CCSER1: variants seen among roughly 807,000 people sequenced by gnomAD.
CCSER1 encodes serine-rich coiled-coil domain-containing protein 1.
In CCSER1, 41 loss-of-function variants were observed where a neutral mutation model predicts 82.0. The observed-to-expected ratio is 0.50, with a 90% confidence interval of 0.39 to 0.65. The LOEUF (loss-of-function observed/expected upper bound fraction) is 0.65. CCSER1 is among the 30% of genes least tolerant of loss of function. The probability of loss-of-function intolerance (pLI) is 0.00; values close to 1 mark genes in which losing one functional copy is unlikely to be tolerated. For synonymous variants in CCSER1, 414 were observed against 383.9 expected (o/e 1.08, Z -0.92); for missense variants, 1,119 against 1,064.2 (o/e 1.05, Z -0.72).
At chr4:91,445,518 CAGT>C (rs1019567832) in intron 10 of CCSER1, among the ~76,000 whole-genome samples, 25 of 151,592 alleles carry the variant, frequency 1.6e-4, no homozygotes, top group African/African-American at 6.1e-4. Flanking sequence ...GAAATGTTGA[CAGT>C]AGAGATTATA....
intron 9 of CCSER1, among the ~76,000 whole-genome samples, chr4:90,987,608 G>A (rs1052353744): frequency 1.3e-5 from 2 of 151,206 alleles, no homozygotes; most frequent in African/African-American, 4.9e-5. Flanking sequence ...AATTTAGGAG[G>A]AAAAAAAATG....
chr4:90,784,963 G>T (rs556447465), intron 7 of CCSER1, among the ~76,000 whole-genome samples: 1 of 152,250 alleles, frequency 6.6e-6, no homozygotes, highest in South Asian at 2.1e-4. Context: ...CATTGAGTGG[G>T]CTGAGGAGGA....
chr4:91,556,861 A>G (rs961037402), intron 10 of CCSER1, among the ~76,000 whole-genome samples: 1 of 151,200 alleles, frequency 6.6e-6, no homozygotes, highest in Admixed American at 6.6e-5. Flanking sequence ...ATATGAAATG[A>G]TTAGAATGTT....
chr4:91,598,790 C>T lies in CCSER1; in HGVS notation c.2436C>T (p.Thr812=), dbSNP rs551854517. The change falls in exon 11 of 11, where the codon ACC becomes ACT. Residue 812 remains threonine, a synonymous_variant. Coordinates refer to ENST00000509176, the MANE Select transcript of CCSER1 (RefSeq NM_001145065.2). The part of the protein sequence containing the change: ...VIKHSRGTYE[T]LTSDVTQNLR... ...AACATTCAAGAGGAACTTATGAAACCCTCACTTCAGACGTTACACAGAACT... is the reference window on the plus strand; with the variant it reads ...AACATTCAAGAGGAACTTATGAAACTCTCACTTCAGACGTTACACAGAACT... 40 of 1,551,550 alleles carry T rather than the reference C, an allele frequency of 2.6e-5. No homozygotes were observed. The highest frequency in any genetic ancestry group is 3.3e-4 in the Middle Eastern group (2 of 5,992).
Position 90,665,696 on chromosome 4 carries a change from G to C in CCSER1, c.1932+37464G>C, listed in dbSNP as rs72873774. Among the ~76,000 whole-genome samples the C allele has an allele frequency of 5.9e-3, 897 of 152,306 alleles. 10 individuals carry two copies. The highest frequency in any genetic ancestry group is 0.02 in the African/African-American group (847 of 41,556). ...TGCTAATCTGAAGGCACTGAGGCAA[G>C]AGTTTACAAAGCAGTGGGGTATTAG... On this transcript the variant is annotated intron_variant, in intron 6 of 10. Coordinates refer to ENST00000509176, the MANE Select transcript of CCSER1 (RefSeq NM_001145065.2).
chr4:90,215,670 C>G (rs1359871594), intron 1 of CCSER1, among the ~76,000 whole-genome samples: 4 of 152,168 alleles, frequency 2.6e-5, no homozygotes. Flanking sequence ...GTCAAAGTAT[C>G]TGCTTTAATA....
chr4:90,635,217 C>A (rs1435936222), intron 6 of CCSER1, among the ~76,000 whole-genome samples: 1 of 151,560 alleles, frequency 6.6e-6, no homozygotes, highest in Non-Finnish European at 1.5e-5. Flanking sequence ...ATATTTTTAA[C>A]CCAATTGACA....
At chr4:91,463,118 A>T (rs998861736) in intron 10 of CCSER1, among the ~76,000 whole-genome samples, 6 of 152,178 alleles carry the variant, frequency 3.9e-5, no homozygotes, top group Non-Finnish European at 8.8e-5. Flanking sequence ...CAGTAGAGGT[A>T]GACTGACTCC....
At chr4:90,352,832 A>G (rs1743741662) in intron 3 of CCSER1, among the ~76,000 whole-genome samples, 1 of 152,152 alleles carries the variant, frequency 6.6e-6, no homozygotes, top group Non-Finnish European at 1.5e-5. Context: ...CACTTAGTAA[A>G]GTATACTATT....
chr4:91,099,324 A>G (rs1328520545), intron 10 of CCSER1, among the ~76,000 whole-genome samples: 2 of 152,228 alleles, frequency 1.3e-5, no homozygotes, highest in Non-Finnish European at 2.9e-5. Flanking sequence ...ACTAAGATGT[A>G]TCTGATGAAC....
intron 10 of CCSER1, among the ~76,000 whole-genome samples, chr4:91,498,229 T>C (rs1310795386): frequency 6.6e-6 from 1 of 151,902 alleles, no homozygotes; most frequent in Non-Finnish European, 1.5e-5. Context: ...TAAAAGAAAA[T>C]TTAGATATTT....
intron 3 of CCSER1, among the ~76,000 whole-genome samples, chr4:90,364,830 G>A (rs769759041): frequency 2.0e-5 from 3 of 151,660 alleles, no homozygotes; most frequent in Non-Finnish European, 4.4e-5. Context: ...ACATAAAAGA[G>A]AATCTTATAG....
At chr4:90,238,793 A>G (rs1746287057) in intron 1 of CCSER1, among the ~76,000 whole-genome samples, 1 of 152,082 alleles carries the variant, frequency 6.6e-6, no homozygotes, top group South Asian at 2.1e-4. Context: ...GCTCTATAGG[A>G]ATTAAATCTT....
intron 9 of CCSER1, among the ~76,000 whole-genome samples, chr4:91,013,696 G>A (rs575368299): frequency 8.8e-5 from 11 of 125,470 alleles, no homozygotes; most frequent in Middle Eastern, 4.1e-3. Flanking sequence ...TCCGCCTCCC[G>A]GGTTCACGCC....
intron 10 of CCSER1, among the ~76,000 whole-genome samples, chr4:91,140,937 T>A (rs1431428256): frequency 6.6e-6 from 1 of 152,056 alleles, no homozygotes; most frequent in Non-Finnish European, 1.5e-5. Flanking sequence ...ATCCAATAGG[T>A]AGTTTCTCAA....
intron 1 of CCSER1, among the ~76,000 whole-genome samples, chr4:90,209,571 A>G (rs1043967977): frequency 6.6e-6 from 1 of 152,118 alleles, no homozygotes; most frequent in Non-Finnish European, 1.5e-5. Flanking sequence ...TAGATTTCTC[A>G]TGATCTAATC....
At chr4:90,574,087 C>G (rs1194658510) in intron 5 of CCSER1, among the ~76,000 whole-genome samples, 1 of 151,122 alleles carries the variant, frequency 6.6e-6, no homozygotes, top group Non-Finnish European at 1.5e-5. Flanking sequence ...TGGTTTCTCT[C>G]TTTGCCTCAG....
intron 10 of CCSER1, among the ~76,000 whole-genome samples, chr4:91,491,232 A>G (rs1758525652): frequency 6.6e-6 from 1 of 151,902 alleles, no homozygotes; most frequent in African/African-American, 2.4e-5. Flanking sequence ...GTCCTTCCAC[A>G]TGGTGCTTAC....
At chr4:90,634,430 A>G (rs182594387) in intron 6 of CCSER1, among the ~76,000 whole-genome samples, 100 of 151,920 alleles carry the variant, frequency 6.6e-4, no homozygotes, top group African/African-American at 2.4e-3. Flanking sequence ...GATAATATTC[A>G]ATGCAAAATT....
Sources: gnomAD v4.1 joint callset for allele counts (sites outside exome capture counted in the v4.1 genomes callset) on GRCh38, gnomAD v4.1.1 for gene constraint, MANE v1.5 for transcripts, NCBI Gene and HGNC (gene_info 2026-07-23, HGNC 2026-07-21) for gene names.